ULK4: variants seen among roughly 807,000 people sequenced by gnomAD.
ULK4 encodes the protein unc-51 like kinase 4, also known as inactive serine/threonine-protein kinase ULK4.
Under a neutral mutation model 160.6 loss-of-function variants are expected in ULK4, and 133 were observed. The observed-to-expected ratio is 0.83, with a 90% CI of 0.72 to 0.96. ULK4 has a LOEUF of 0.96. Among genes scored for constraint, ULK4 ranks in the 40% least tolerant of loss-of-function variants. ULK4 has a pLI of 0.00. For missense variants in ULK4, 1,580 were observed against 1,499.5 expected, an observed-to-expected ratio of 1.05 and a Z score of -0.89; for synonymous variants, 534 against 539.8, an observed-to-expected ratio of 0.99 and a Z score of 0.15.
At chr3:41,839,423 CATATA>C (rs971358971) in intron 17 of ULK4, among the ~76,000 whole-genome samples, 1 of 148,794 alleles carries the variant, frequency 6.7e-6, no homozygotes, top group Admixed American at 6.7e-5. Context: ...ATAATATATA[CATATA>C]ATATATACAT....
intron 35 of ULK4, among the ~76,000 whole-genome samples, chr3:41,339,064 A>G (rs568414005): frequency 6.6e-6 from 1 of 152,062 alleles, no homozygotes; most frequent in African/African-American, 2.4e-5. Flanking sequence ...AATCATGTTT[A>G]GCCAGCTATC....
At chr3:41,248,476 G>A (rs536789659) in intron 36 of ULK4, among the ~76,000 whole-genome samples, 1 of 152,258 alleles carries the variant, frequency 6.6e-6, no homozygotes, top group Admixed American at 6.5e-5. Context: ...AAGACAAAAG[G>A]GGTAGGGTTA....
intron 32 of ULK4, among the ~76,000 whole-genome samples, chr3:41,521,260 T>C (rs2085921717): frequency 6.6e-6 from 1 of 152,166 alleles, no homozygotes; most frequent in Non-Finnish European, 1.5e-5. Context: ...CCTCTGTCAG[T>C]AGGTTCCCGG....
At chr3:41,939,602 A>C (rs993941070) in intron 2 of ULK4, among the ~76,000 whole-genome samples, 21 of 152,106 alleles carry the variant, frequency 1.4e-4, no homozygotes, top group African/African-American at 4.8e-4. Context: ...ATCTACTTTT[A>C]AAAATATTCC....
chr3:41,856,591 ATATATATATATG>A (rs1204711793), intron 17 of ULK4, among the ~76,000 whole-genome samples: 1 of 66,220 alleles, frequency 1.5e-5, no homozygotes, highest in Non-Finnish European at 2.7e-5. Flanking sequence ...ATATATACAC[ATATATATATATG>A]TGTATATATA....
intron 30 of ULK4, among the ~76,000 whole-genome samples, chr3:41,659,719 A>G (rs1051309547): frequency 2.0e-5 from 3 of 152,208 alleles, no homozygotes; most frequent in Non-Finnish European, 4.4e-5. Context: ...ACATCAATAC[A>G]TTTATAGGAA....
intron 34 of ULK4, among the ~76,000 whole-genome samples, chr3:41,426,944 CA>C (rs763724757): frequency 6.6e-6 from 1 of 151,898 alleles, no homozygotes; most frequent in Non-Finnish European, 1.5e-5. Flanking sequence ...GACAGAGACA[CA>C]AAAAACCCTT....
intron 19 of ULK4, among the ~76,000 whole-genome samples, chr3:41,806,788 T>C (rs976541403): frequency 6.6e-6 from 1 of 152,166 alleles, no homozygotes; most frequent in Admixed American, 6.6e-5. Flanking sequence ...TAAATCAAGC[T>C]TCATAAAAAT....
At chr3:41,661,064 A>G (rs1372028475) in intron 30 of ULK4, among the ~76,000 whole-genome samples, 1 of 152,096 alleles carries the variant, frequency 6.6e-6, no homozygotes, top group Non-Finnish European at 1.5e-5. Flanking sequence ...TTATTTGTGT[A>G]TATGTGAGTT....
Position 41,954,811 on chromosome 3 carries a change from A to G in ULK4, c.-48-4T>C, listed in dbSNP as rs1700428967. ...AGAATAACAGCATCTCTAGCTCCTA[A>G]GAAGTAAACAAAAATGACATTGATA... On this transcript the variant is annotated splice_polypyrimidine_tract_variant and splice_region_variant and intron_variant, in intron 1 of 36. Coordinates refer to ENST00000301831, the MANE Select transcript of ULK4 (RefSeq NM_017886.4). 2.6e-6 allele frequency: 4 copies of G among 1,529,466 alleles called. No individual in the cohort carries two copies. Among genetic ancestry groups the G allele is most frequent in the Non-Finnish European group, 3.5e-6 (4 of 1,134,492 alleles). 94.7% of individuals were successfully genotyped at this position (1,529,466 alleles called of 1,614,324 possible).
rs775198480 is a variant in ULK4, at chr3:41,896,948, C to T, written c.1404G>A (p.Val468=). 5 of 1,613,216 alleles carry T rather than the reference C, an allele frequency of 3.1e-6. No individual in the cohort carries two copies. Among genetic ancestry groups the T allele is most frequent in the Non-Finnish European group, 4.2e-6 (5 of 1,179,832 alleles). The change falls in exon 15 of 37, where the codon GTG becomes GTA. Residue 468 remains valine, a synonymous_variant. Coordinates refer to ENST00000301831, the MANE Select transcript of ULK4 (RefSeq NM_017886.4). ...TCTCAGTGGAGTCGATCTGCGAGCA[C>T]ACTTGTTGCAAAAAGTCATTCCAAT... ...DQDWNDFLQQ[V]CSQIDSTEKS...
At chr3:41,838,516 G>A (rs2041825180) in intron 17 of ULK4, among the ~76,000 whole-genome samples, 1 of 151,540 alleles carries the variant, frequency 6.6e-6, no homozygotes, top group Non-Finnish European at 1.5e-5. Context: ...AAGCACTACA[G>A]AAAAAGTCCA....
At chr3:41,556,987 A>G (rs1205279236) in intron 32 of ULK4, among the ~76,000 whole-genome samples, 1 of 152,232 alleles carries the variant, frequency 6.6e-6, no homozygotes, top group Non-Finnish European at 1.5e-5. Context: ...TAAATAAAAT[A>G]TTAACAAAGA....
chr3:41,846,729 T>TGGGA (rs2042078023), intron 17 of ULK4, among the ~76,000 whole-genome samples: 1 of 146,352 alleles, frequency 6.8e-6, no homozygotes. Flanking sequence ...CACTTGAGCC[T>TGGGA]GGGAGGGAGA....
At chr3:41,288,553 A>G (rs1194715000) in intron 35 of ULK4, among the ~76,000 whole-genome samples, 1 of 152,146 alleles carries the variant, frequency 6.6e-6, no homozygotes, top group Non-Finnish European at 1.5e-5. Flanking sequence ...AGCCCAAAAG[A>G]GCAGGACACA....
intron 32 of ULK4, among the ~76,000 whole-genome samples, chr3:41,530,362 G>A (rs541850840): frequency 6.6e-6 from 1 of 152,260 alleles, no homozygotes; most frequent in South Asian, 2.1e-4. Flanking sequence ...GGACCATCAA[G>A]GAAATTAAGT....
At chr3:41,656,424 A>G (rs1175180927) in intron 30 of ULK4, among the ~76,000 whole-genome samples, 1 of 152,220 alleles carries the variant, frequency 6.6e-6, no homozygotes, top group Non-Finnish European at 1.5e-5. Flanking sequence ...TGGCATTAAA[A>G]AATCATTACA....
At chr3:41,927,093 CAGAG>C (rs1699412059) in intron 5 of ULK4, among the ~76,000 whole-genome samples, 1 of 152,090 alleles carries the variant, frequency 6.6e-6, no homozygotes, top group African/African-American at 2.4e-5. Context: ...TAAGGGCAGC[CAGAG>C]AGAAAGGTTG....
At chr3:41,429,927 A>G (rs1032352916) in intron 34 of ULK4, among the ~76,000 whole-genome samples, 7 of 152,214 alleles carry the variant, frequency 4.6e-5, no homozygotes, top group African/African-American at 1.7e-4. Context: ...TTCTTTTTAA[A>G]AAGTTTATTA....
Sources: allele counts gnomAD v4.1 joint callset (sites outside exome capture counted in the v4.1 genomes callset), GRCh38; gene constraint gnomAD v4.1.1; transcripts MANE v1.5; gene names NCBI Gene and HGNC (gene_info 2026-07-23, HGNC 2026-07-21).